The following NELL1 variants were observed in gnomAD, a reference collection of about 807,000 sequenced individuals.
The protein encoded by NELL1 is neural EGFL like 1.
Under a neutral mutation model 107.4 loss-of-function variants are expected in NELL1, and 76 were observed. The observed-to-expected ratio is 0.71, with a 90% CI of 0.59 to 0.86. NELL1 has a LOEUF of 0.86. Among genes scored for constraint, NELL1 ranks in the 40% least tolerant of loss-of-function variants. The probability of loss-of-function intolerance (pLI) is 0.00; values close to 1 mark genes in which losing one functional copy is unlikely to be tolerated. For synonymous variants in NELL1, 353 were observed against 341.2 expected (o/e 1.03, Z -0.38); for missense variants, 1,024 against 1,005.5 (o/e 1.02, Z -0.25).
chr11:20,898,151 C>G (rs1849791084), intron 5 of NELL1, among the ~76,000 whole-genome samples: 3 of 152,134 alleles, frequency 2.0e-5, no homozygotes, highest in African/African-American at 7.2e-5. Context: ...TTCACAATAG[C>G]AAAGACTTGG....
intron 12 of NELL1, among the ~76,000 whole-genome samples, chr11:20,996,783 C>T (rs1286976392): frequency 6.6e-6 from 1 of 152,056 alleles, no homozygotes; most frequent in Non-Finnish European, 1.5e-5. Flanking sequence ...TTCTTTAATC[C>T]TCCTCTGCCC....
rs947756357 is a variant in NELL1, at chr11:21,309,527, C to T, written c.1550-61326C>T. Among the ~76,000 whole-genome samples the T allele has an allele frequency of 2.3e-4, 35 of 151,560 alleles. 1 individual carries two copies. The highest frequency in any genetic ancestry group is 2.0e-3 in the Admixed American group (31 of 15,146). ...TTAGAAATTGTAAGTTATTTTTAAT[C>T]TTTCACTTTACAAATACTAACTTAT... On this transcript the variant is annotated intron_variant, in intron 14 of 19. Coordinates refer to ENST00000357134, the MANE Select transcript of NELL1 (RefSeq NM_006157.5).
chr11:20,708,773 C>T (rs1855039102), intron 2 of NELL1, among the ~76,000 whole-genome samples: 1 of 152,058 alleles, frequency 6.6e-6, no homozygotes. Context: ...CTTTCAGATT[C>T]TTGGTCATGA....
chr11:21,392,387 T>C (rs1851898566), intron 15 of NELL1, among the ~76,000 whole-genome samples: 1 of 151,852 alleles, frequency 6.6e-6, no homozygotes, highest in Non-Finnish European at 1.5e-5. Context: ...CTCCAGGCTA[T>C]GAGTCATTTT....
chr11:20,993,845 A>G (rs1367922149), intron 12 of NELL1, among the ~76,000 whole-genome samples: 1 of 148,580 alleles, frequency 6.7e-6, no homozygotes, highest in Non-Finnish European at 1.5e-5. Context: ...GGATCGGGGG[A>G]TGGGGGACCC....
intron 15 of NELL1, among the ~76,000 whole-genome samples, chr11:21,383,138 G>A (rs1851649533): frequency 6.6e-6 from 1 of 151,934 alleles, no homozygotes. Context: ...GCTCCTAGTA[G>A]GACTGACTGA....
chr11:21,289,089 C>G (rs1249076465), intron 14 of NELL1, among the ~76,000 whole-genome samples: 1 of 152,132 alleles, frequency 6.6e-6, no homozygotes, highest in African/African-American at 2.4e-5. Flanking sequence ...AATGGGGGAA[C>G]AAATTCTGAC....
At chr11:21,442,987 A>G (rs1439809361) in intron 15 of NELL1, among the ~76,000 whole-genome samples, 2 of 33,526 alleles carry the variant, frequency 6.0e-5, no homozygotes, top group Non-Finnish European at 5.9e-5. Context: ...TACATTCCCT[A>G]TTTTATTCCA....
chr11:20,865,906 C>T (rs1261898333), intron 4 of NELL1, among the ~76,000 whole-genome samples: 1 of 152,088 alleles, frequency 6.6e-6, no homozygotes, highest in Non-Finnish European at 1.5e-5. Flanking sequence ...GTTACACATC[C>T]TAAGTCAGAA....
chr11:21,037,306 T>A (rs1853117185), intron 12 of NELL1, among the ~76,000 whole-genome samples: 1 of 152,162 alleles, frequency 6.6e-6, no homozygotes, highest in South Asian at 2.1e-4. Flanking sequence ...TTTGGCTTCT[T>A]CTAAGTGCAT....
chr11:21,566,595 G>T (rs994676036), intron 17 of NELL1, among the ~76,000 whole-genome samples: 5 of 151,806 alleles, frequency 3.3e-5, no homozygotes, highest in Non-Finnish European at 5.9e-5. Context: ...GCAGAAGATT[G>T]CAAAAATACA....
chr11:21,046,788 G>A (rs796777666), intron 12 of NELL1, among the ~76,000 whole-genome samples: 7 of 151,860 alleles, frequency 4.6e-5, no homozygotes, highest in African/African-American at 1.7e-4. Flanking sequence ...GCTCACTACA[G>A]CTTTGACTTC....
In NELL1 at chr11:20,841,988, C is replaced by T. The variant is rs79086951; in HGVS notation, c.336-5595C>T. Reference sequence around the variant, plus strand: ...TCAGGACACATAGCCATTGAGACCCCTGGTCTAAGGTGGGGCACGGTATAC... The same window carrying T: ...TCAGGACACATAGCCATTGAGACCCTTGGTCTAAGGTGGGGCACGGTATAC... On this transcript the variant is annotated intron_variant, in intron 3 of 19. Coordinates refer to ENST00000357134, the MANE Select transcript of NELL1 (RefSeq NM_006157.5). 7.9e-5 allele frequency among the ~76,000 whole-genome samples: 12 copies of T among 152,266 alleles called. No homozygotes were observed. The East Asian group carries it at 2.3e-3, about 29-fold the overall frequency.
At chr11:20,969,177 T>G (rs139366103) in intron 12 of NELL1, among the ~76,000 whole-genome samples, 2,362 of 152,278 alleles carry the variant, frequency 0.016, 29 homozygotes, top group Non-Finnish European at 0.025. Flanking sequence ...TTCACTTTCC[T>G]GTTGTATCAT....
intron 14 of NELL1, among the ~76,000 whole-genome samples, chr11:21,275,357 T>C (rs2924596): frequency 0.83 from 125,883 of 152,056 alleles, 52,822 homozygotes; most frequent in Non-Finnish European, 0.9. Flanking sequence ...CAGGAAGAAG[T>C]TGAATCTCTG....
intron 12 of NELL1, among the ~76,000 whole-genome samples, chr11:21,100,917 C>T (rs1009749456): frequency 2.6e-5 from 4 of 151,822 alleles, no homozygotes; most frequent in Non-Finnish European, 4.4e-5. Flanking sequence ...TATACATGTG[C>T]CATGTTGGTG....
intron 4 of NELL1, among the ~76,000 whole-genome samples, chr11:20,872,336 G>A (rs912478997): frequency 2.0e-5 from 3 of 151,764 alleles, no homozygotes; most frequent in African/African-American, 4.8e-5. Flanking sequence ...ACCTGCCACC[G>A]TGCCTAGCTA....
At chr11:20,786,062 G>T (rs899671576) in intron 3 of NELL1, among the ~76,000 whole-genome samples, 15 of 150,160 alleles carry the variant, frequency 1.0e-4, no homozygotes, top group Non-Finnish European at 1.0e-4. Flanking sequence ...TTGAGAAAGG[G>T]AGAAGAGGCT....
chr11:20,902,653 T>C (rs562863508), intron 5 of NELL1, among the ~76,000 whole-genome samples: 1 of 152,164 alleles, frequency 6.6e-6, no homozygotes, highest in Admixed American at 6.6e-5. Flanking sequence ...CCCAGGTATA[T>C]ATGTATAAGC....
Sources: allele counts gnomAD v4.1 joint callset (sites outside exome capture counted in the v4.1 genomes callset), GRCh38; gene constraint gnomAD v4.1.1; transcripts MANE v1.5; gene names NCBI Gene and HGNC (gene_info 2026-07-23, HGNC 2026-07-21).